TCOF1: variants seen among roughly 807,000 people sequenced by gnomAD.
TCOF1 encodes treacle ribosome biogenesis factor 1.
TCOF1 carries 33 observed loss-of-function variants against 149.0 expected under a neutral mutation model. The observed-to-expected ratio is 0.22, with a 90% CI of 0.17 to 0.30. The LOEUF (loss-of-function observed/expected upper bound fraction) is 0.30, where lower values mean the gene tolerates loss of function less well. Ranked by LOEUF, TCOF1 falls within the 10% of genes least tolerant of loss-of-function variation. The probability of loss-of-function intolerance (pLI) is 1.00; values close to 1 mark genes in which losing one functional copy is unlikely to be tolerated. For missense variants in TCOF1, 1,728 were observed against 1,840.7 expected (o/e 0.94, Z 1.12); for synonymous variants, 789 against 738.8 (o/e 1.07, Z -1.10).
At chr5:150,372,326 T>A in intron 7 of TCOF1, 90 bp downstream of exon 7, 2 of 1,167,636 alleles carry the variant, frequency 1.7e-6, no homozygotes, top group Non-Finnish European at 2.4e-6. Context: ...GCCACTGGAG[T>A]TGGGGAGAGG....
chr5:150,392,659 G>C (rs767920754), intron 21 of TCOF1, 46 bp from the exon 22 acceptor site: 2 of 1,607,328 alleles, frequency 1.2e-6, no homozygotes, highest in Non-Finnish European at 8.5e-7. Flanking sequence ...CTTCCCGGCT[G>C]GCAGGGGCCA....
intron 6 of TCOF1, 77 bp from the exon 7 acceptor site, chr5:150,371,929 G>T: frequency 7.6e-7 from 1 of 1,315,886 alleles, no homozygotes; most frequent in Non-Finnish European, 1.1e-6. Context: ...TTTATCAACT[G>T]CTGAAGCCCC....
At chr5:150,392,888 C>T (rs940903909) in intron 22 of TCOF1, 98 bp downstream of exon 22, 3 of 1,423,068 alleles carry the variant, frequency 2.1e-6, no homozygotes, top group African/African-American at 2.8e-5. Flanking sequence ...GGGTCTGGGT[C>T]CCCTCTCTTC....
At chr5:150,364,751 A>G (rs1760939627) in intron 3 of TCOF1, among the ~76,000 whole-genome samples, 1 of 152,172 alleles carries the variant, frequency 6.6e-6, no homozygotes, top group African/African-American at 2.4e-5. Flanking sequence ...AAGCTTTTAT[A>G]GCCCCTTCTT....
At chr5:150,363,037 T>C (rs1165534959) in intron 2 of TCOF1, among the ~76,000 whole-genome samples, 2 of 152,152 alleles carry the variant, frequency 1.3e-5, no homozygotes, top group Non-Finnish European at 2.9e-5. Context: ...ATGGCAATTA[T>C]CTCATTGCAT....
chr5:150,383,808 A>G (rs779044782), intron 17 of TCOF1: 29 of 1,551,544 alleles, frequency 1.9e-5, no homozygotes, highest in Admixed American at 3.9e-5. Context: ...GCATACCTTC[A>G]TGTGCTCCAC....
rs1769435492 is a variant in TCOF1, at chr5:150,399,941, T to C, written c.*154T>C. ...AGACAGCCAGCTTCAGGGGTCCCTG[T>C]GCTGGCCAAGCCAGTGAGCCTGCGG... is the stretch of plus-strand genomic sequence containing the variant. On this transcript the variant is annotated 3_prime_UTR_variant, in exon 27 of 27. Coordinates refer to ENST00000643257, the MANE Select transcript of TCOF1 (RefSeq NM_001371623.1). The C allele has an allele frequency of 1.3e-5, 2 of 152,420 alleles. No individual in the cohort carries two copies. The highest frequency in any genetic ancestry group is 4.1e-4 in the South Asian group (2 of 4,840). The allele number at this position is 152,420 out of a possible 1,614,324, so 9.4% of individuals were successfully genotyped here. A position where few individuals can be genotyped will look rare whatever the true frequency, so the allele number is the denominator to read the frequency against.
At chr5:150,358,168 A>G (rs1160591921) in intron 1 of TCOF1, among the ~76,000 whole-genome samples, 1 of 151,732 alleles carries the variant, frequency 6.6e-6, no homozygotes, top group Non-Finnish European at 1.5e-5. Context: ...AAGTTTCCTA[A>G]GTCTCCCGCC....
In TCOF1 at chr5:150,357,827, G is replaced by T. The variant is rs1162085018; in HGVS notation, c.81G>T (p.Ala27=). The T allele has an allele frequency of 6.5e-7, 1 of 1,549,840 alleles. No individual in the cohort carries two copies. Among genetic ancestry groups the T allele is most frequent in the East Asian group, 2.4e-5 (1 of 40,878 alleles). ...TGCGGGCTGGCTATGTGCGTGCGGC[G>T]CGGGAAGTGAAGGAGCAGAGCGGCC... The part of the protein sequence containing the change: ...HLLRAGYVRA[A]REVKEQSGQK... Residue 27 remains alanine, a synonymous_variant, in exon 1 of 27, where the codon GCG becomes GCT. Transcript: ENST00000643257.
Position 150,375,537 on chromosome 5 carries a change from G to C in TCOF1, c.1687G>C (p.Ala563Pro). The change falls in exon 11 of 27, where the codon GCT becomes CCT. Residue 563 changes from alanine (A) to proline (P), a missense_variant. Physicochemically the swap from Ala to Pro is conservative, Grantham distance 27. Around this residue, in one of 2 missense-constraint regions of TCOF1, gnomAD observed 1,696 missense variants for 1,765.4 expected, o/e 0.96. Transcript: ENST00000643257. Reference protein sequence around the residue: ...SDSSDGEVPTAVAPAQEKSLG... With the variant: ...SDSSDGEVPTPVAPAQEKSLG... ...CAGCAGTGATGGAGAGGTGCCCACA[G>C]CTGTGGCCCCGGCTCAGGTGAGGCC... The C allele has an allele frequency of 6.2e-7, 1 of 1,614,174 alleles. No homozygotes were observed. The highest frequency in any genetic ancestry group is 8.5e-7 in the Non-Finnish European group (1 of 1,179,986).
chr5:150,390,937 AG>A (rs1432546458), intron 19 of TCOF1, among the ~76,000 whole-genome samples: 1 of 152,202 alleles, frequency 6.6e-6, no homozygotes, highest in Admixed American at 6.5e-5. Context: ...CTGGTAGGAG[AG>A]GAAACAATAA....
At position 150,388,075 on chromosome 5, in the gene TCOF1, G is replaced by A. The variant is rs1268651096; in HGVS notation, c.3033G>A (p.Gln1011=). ...ATGAGGACGTGATCCCCGCTACACA[G>A]TGCTTGACTCCTGGTGAGCGCAGCC... is the stretch of plus-strand genomic sequence containing the variant. ...SEDEDVIPAT[Q]CLTPGIRTNV... The change falls in exon 18 of 27, where the codon CAG becomes CAA. Residue 1011 remains glutamine, a synonymous_variant. Coordinates refer to ENST00000643257, the MANE Select transcript of TCOF1 (RefSeq NM_001371623.1). The A allele has an allele frequency of 1.9e-6, 3 of 1,613,270 alleles. No individual in the cohort carries two copies. In the South Asian group the frequency reaches 3.3e-5, roughly 18 times the overall value.
At chr5:150,380,184 C>T (rs1381700585) in intron 17 of TCOF1, 2 of 209,728 alleles carry the variant, frequency 9.5e-6, no homozygotes, top group Non-Finnish European at 2.0e-5. Flanking sequence ...CCATGCCCTC[C>T]TCCGTCTGCT....
At chr5:150,396,989 C>G in intron 24 of TCOF1, 147 bp downstream of exon 24, 1 of 981,628 alleles carries the variant, frequency 1.0e-6, no homozygotes, top group Non-Finnish European at 1.5e-6. Context: ...AAAACCCCGT[C>G]TCTACTAAAA....
chr5:150,369,680 C>A, intron 6 of TCOF1, 78 bp downstream of exon 6: 1 of 1,467,022 alleles, frequency 6.8e-7, no homozygotes, highest in African/African-American at 1.4e-5. Context: ...GCTTCAGACA[C>A]CAGTGGGCCC....
At chr5:150,395,988 G>C (rs1330457812) in intron 23 of TCOF1, among the ~76,000 whole-genome samples, 1 of 152,076 alleles carries the variant, frequency 6.6e-6, no homozygotes, top group Non-Finnish European at 1.5e-5. Flanking sequence ...TAGATTTCAG[G>C]CCCTTTCATT....
intron 2 of TCOF1, 22 bp from the exon 3 acceptor site, chr5:150,364,091 G>C (rs1760756447): frequency 3.7e-6 from 6 of 1,613,864 alleles, no homozygotes; most frequent in Non-Finnish European, 5.1e-6. Context: ...AGTTGGTATA[G>C]ACAGTCACCC....
intron 18 of TCOF1, among the ~76,000 whole-genome samples, chr5:150,388,478 C>T (rs1229531302): frequency 6.6e-6 from 1 of 152,200 alleles, no homozygotes; most frequent in Non-Finnish European, 1.5e-5. Flanking sequence ...AAGCCAGAGA[C>T]ATCACAGGGA....
Position 150,364,097 on chromosome 5 carries a change from C to G in TCOF1, c.165-16C>G. 1 of 1,613,980 alleles carries G rather than the reference C, an allele frequency of 6.2e-7. No individual in the cohort carries two copies. Among genetic ancestry groups the G allele is most frequent in the Non-Finnish European group, 8.5e-7 (1 of 1,179,958 alleles). Reference sequence around the variant, plus strand: ...CTGTCACCCAGTTGGTATAGACAGTCACCCTTGTCCTGCAGAACCTCAGAG... The same window carrying G: ...CTGTCACCCAGTTGGTATAGACAGTGACCCTTGTCCTGCAGAACCTCAGAG... On this transcript the variant is annotated splice_polypyrimidine_tract_variant and intron_variant, in intron 2 of 26. Transcript: ENST00000643257.
Sources: allele counts gnomAD v4.1 joint callset (sites outside exome capture counted in the v4.1 genomes callset), GRCh38; gene constraint gnomAD v4.1.1; regional missense constraint gnomAD v4.1.1; transcripts MANE v1.5; gene names NCBI Gene and HGNC (gene_info 2026-07-23, HGNC 2026-07-21).